Variants in ITPRID1 observed in about 807,000 individuals in gnomAD.
ITPRID1 encodes the protein ITPR interacting domain containing 1.
Under a neutral mutation model 95.4 loss-of-function variants are expected in ITPRID1, and 96 were observed. That is an observed-to-expected ratio of 1.01 (90% CI 0.85 to 1.19). The LOEUF is 1.19. ITPRID1 is among the 50% of genes most tolerant of loss of function. ITPRID1 has a pLI of 0.00. For missense variants in ITPRID1, 1,339 were observed against 1,252.9 expected, an observed-to-expected ratio of 1.07 and a Z score of -1.04; for synonymous variants, 510 against 453.6, an observed-to-expected ratio of 1.12 and a Z score of -1.58.
At chr7:31,572,044 C>T (rs1203205032) in intron 6 of ITPRID1, 58 bp from the exon 7 acceptor site, 3 of 1,101,098 alleles carry the variant, frequency 2.7e-6, no homozygotes, top group Non-Finnish European at 4.1e-6. Flanking sequence ...TTCACAATGA[C>T]CTCCCAGGAG....
At chr7:31,580,025 G>A (rs1309197685) in intron 9 of ITPRID1, among the ~76,000 whole-genome samples, 4 of 152,090 alleles carry the variant, frequency 2.6e-5, no homozygotes, top group Admixed American at 2.6e-4. Flanking sequence ...CCTGCTGGGT[G>A]CAGTGGCTCA....
intron 10 of ITPRID1, among the ~76,000 whole-genome samples, chr7:31,631,755 G>T (rs748367683): frequency 2.0e-5 from 3 of 152,190 alleles, no homozygotes; most frequent in Non-Finnish European, 4.4e-5. Flanking sequence ...AGTGCTAATG[G>T]AAGTAATTCA....
chr7:31,636,522 A>G (rs1789495939), intron 10 of ITPRID1, among the ~76,000 whole-genome samples: 1 of 152,108 alleles, frequency 6.6e-6, no homozygotes, highest in South Asian at 2.1e-4. Context: ...TAGGTTCGAA[A>G]GTCTGTCTTG....
chr7:31,599,529 G>A (rs1786253597), intron 10 of ITPRID1, among the ~76,000 whole-genome samples: 1 of 152,114 alleles, frequency 6.6e-6, no homozygotes. Flanking sequence ...ATGGCAAAAT[G>A]TTAAGTTTTA....
chr7:31,605,166 A>T (rs1167301412), intron 10 of ITPRID1, among the ~76,000 whole-genome samples: 1 of 151,690 alleles, frequency 6.6e-6, no homozygotes, highest in Admixed American at 6.6e-5. Flanking sequence ...TAAATCTTTC[A>T]CAGGCCTTTT....
intron 10 of ITPRID1, among the ~76,000 whole-genome samples, chr7:31,626,352 C>T (rs190432797): frequency 6.6e-6 from 1 of 152,310 alleles, no homozygotes; most frequent in African/African-American, 2.4e-5. Flanking sequence ...TGACCATAAT[C>T]ATGCTTTAAC....
At chr7:31,597,678 C>T (rs184769442) in intron 10 of ITPRID1, among the ~76,000 whole-genome samples, 1 of 152,156 alleles carries the variant, frequency 6.6e-6, no homozygotes, top group Non-Finnish European at 1.5e-5. Flanking sequence ...AATGGGAAAA[C>T]TCCATATCAA....
At chr7:31,519,632 AT>A (rs1783175139) in intron 1 of ITPRID1, among the ~76,000 whole-genome samples, 1 of 117,660 alleles carries the variant, frequency 8.5e-6, no homozygotes, top group African/African-American at 3.0e-5. Flanking sequence ...ATATATATAT[AT>A]ATATATATAT....
At chr7:31,646,537 A>G (rs1419536788) in intron 12 of ITPRID1, among the ~76,000 whole-genome samples, 2 of 152,226 alleles carry the variant, frequency 1.3e-5, no homozygotes, top group East Asian at 3.9e-4. Context: ...CAGAAGATTA[A>G]ACCTGGGCCA....
intron 1 of ITPRID1, 121 bp from the exon 2 acceptor site, chr7:31,549,305 C>G (rs1417960401): frequency 1.7e-6 from 1 of 585,316 alleles, no homozygotes; most frequent in Non-Finnish European, 2.7e-6. Flanking sequence ...ACATCTACTT[C>G]TCAATCATCC....
At chr7:31,632,988 G>C (rs184782247) in intron 10 of ITPRID1, among the ~76,000 whole-genome samples, 14 of 152,220 alleles carry the variant, frequency 9.2e-5, no homozygotes, top group Admixed American at 7.2e-4. Context: ...CCTGGTTCAA[G>C]TGATTCTCCT....
chr7:31,621,157 A>G (rs1787843721), intron 10 of ITPRID1, among the ~76,000 whole-genome samples: 1 of 150,912 alleles, frequency 6.6e-6, no homozygotes, highest in Non-Finnish European at 1.5e-5. Flanking sequence ...TGATGGGGAG[A>G]ATGGAACCAA....
chr7:31,549,559 T>A, intron 2 of ITPRID1, 60 bp downstream of exon 2: 1 of 1,217,886 alleles, frequency 8.2e-7, no homozygotes, highest in Non-Finnish European at 1.1e-6. Flanking sequence ...AAGTGTTTAT[T>A]TCATACTCAT....
At chr7:31,600,395 G>T (rs190817252) in intron 10 of ITPRID1, among the ~76,000 whole-genome samples, 20 of 152,158 alleles carry the variant, frequency 1.3e-4, no homozygotes, top group African/African-American at 4.8e-4. Context: ...TCAATAAAGG[G>T]GATTGTTTAA....
At chr7:31,588,623 C>T (rs925974065) in intron 10 of ITPRID1, among the ~76,000 whole-genome samples, 10 of 552 alleles carry the variant, frequency 0.018, no homozygotes, top group Non-Finnish European at 0.051. Context: ...CAGAGTGATA[C>T]TCTGTCTCAA....
intron 10 of ITPRID1, 94 bp from the exon 11 acceptor site, chr7:31,642,082 T>G: frequency 1.4e-6 from 1 of 734,050 alleles, no homozygotes; most frequent in Admixed American, 3.0e-5. Context: ...TTCTGCAGGA[T>G]CCATGGTGTG....
chr7:31,652,526 G>A lies in ITPRID1; in HGVS notation c.2832G>A (p.Glu944=). The part of the protein sequence containing the change: ...QIREGILLQL[E]VLTAEPPEHY... ...TCTTGTTTTCCTTTTAGCAGCTGGA[G>A]GTTCTCACAGCAGAGCCACCTGAAC... Residue 944 remains glutamate (E), a synonymous_variant, in exon 15 of 15, where the codon GAG becomes GAA. Coordinates refer to ENST00000615280, the MANE Select transcript of ITPRID1 (RefSeq NM_001257967.3). The A allele has an allele frequency of 1.9e-6, 3 of 1,596,492 alleles. No homozygotes were observed. Among genetic ancestry groups the A allele is most frequent in the Non-Finnish European group, 2.6e-6 (3 of 1,170,170 alleles).
rs537793712 is a variant in ITPRID1 at position 31,572,662 on chromosome 7, T to C, written c.395+474T>C. On this transcript the variant is annotated intron_variant, in intron 7 of 14. Transcript: ENST00000615280. Reference sequence around the variant, plus strand: ...AGAGGGTCAGGATTGGTGGGGGTAATAATTGAGGGGAGTGAAAGCATTTTG... The same window carrying C: ...AGAGGGTCAGGATTGGTGGGGGTAACAATTGAGGGGAGTGAAAGCATTTTG... Among the ~76,000 whole-genome samples, 13 of 152,208 alleles carry C rather than the reference T, an allele frequency of 8.5e-5. No homozygotes were observed. In the East Asian group the frequency reaches 2.3e-3, roughly 27 times the overall value.
intron 10 of ITPRID1, among the ~76,000 whole-genome samples, chr7:31,606,753 A>C (rs2037163870): frequency 6.6e-6 from 1 of 152,214 alleles, no homozygotes; most frequent in South Asian, 2.1e-4. Flanking sequence ...GATGTTGAAA[A>C]AAATATATGA....
Sources: gnomAD v4.1 joint callset for allele counts (sites outside exome capture counted in the v4.1 genomes callset) on GRCh38, gnomAD v4.1.1 for gene constraint, MANE v1.5 for transcripts, NCBI Gene and HGNC (gene_info 2026-07-23, HGNC 2026-07-21) for gene names.